Variants in ZNF462 observed in about 807,000 individuals in gnomAD.
The protein encoded by ZNF462 is zinc finger protein 462.
ZNF462 carries 10 observed loss-of-function variants against 201.9 expected under a neutral mutation model. That is an observed-to-expected ratio of 0.05 (90% CI 0.03 to 0.08). The LOEUF is 0.08. ZNF462 is among the 10% of genes least tolerant of loss of function. ZNF462 has a pLI of 1.00. For synonymous variants in ZNF462, 1,227 were observed against 1,193.3 expected (o/e 1.03, Z -0.58); for missense variants, 2,523 against 3,168.3 (o/e 0.80, Z 4.89).
chr9:106,901,993 G>A (rs1039664382), intron 1 of ZNF462, among the ~76,000 whole-genome samples: 1 of 152,012 alleles, frequency 6.6e-6, no homozygotes, highest in Non-Finnish European at 1.5e-5. Flanking sequence ...TCCTTGTCTT[G>A]TTCCAGTTCT....
At chr9:106,862,482 G>A (rs976653071), upstream of ZNF462, among the ~76,000 whole-genome samples, 1 of 151,896 alleles carries the variant, frequency 6.6e-6, no homozygotes, top group Non-Finnish European at 1.5e-5. This position sits in a 1 kb window ranked among gnomAD's most constrained non-coding sequence, Gnocchi z 4.2. Context: ...TCCTCGCACC[G>A]CCTTCTCCGC....
intron 7 of ZNF462, among the ~76,000 whole-genome samples, chr9:106,948,787 A>G (rs1325512888): frequency 6.6e-6 from 1 of 152,008 alleles, no homozygotes; most frequent in African/African-American, 2.4e-5. Context: ...AAGGATTCAT[A>G]TCGCAAAAAT....
In ZNF462 at chr9:106,930,860, T is replaced by C. The variant is rs866900259; in HGVS notation, c.6012+171T>C. 6.7e-6 allele frequency: 5 copies of C among 742,258 alleles called. No individual in the cohort carries two copies. Among genetic ancestry groups the C allele is most frequent in the Middle Eastern group, 8.0e-4 (2 of 2,486 alleles). 46.0% of individuals were successfully genotyped at this position (742,258 alleles called of 1,614,324 possible). A position where few individuals can be genotyped will look rare whatever the true frequency, so the allele number is the denominator to read the frequency against. On this transcript the variant is annotated intron_variant, in intron 4 of 12. Coordinates refer to ENST00000277225, the MANE Select transcript of ZNF462 (RefSeq NM_021224.6). This position sits in a 1 kb window ranked among gnomAD's most constrained non-coding sequence, Gnocchi z 5.8. ...TTCTTTGCAGGTTGGACCTTCCTCA[T>C]CTTTCTGTTCAGGGAAAGGTCGAGT... is the stretch of plus-strand genomic sequence containing the variant.
chr9:106,871,825 G>A (rs1827605111), intron 1 of ZNF462, among the ~76,000 whole-genome samples: 2 of 152,186 alleles, frequency 1.3e-5, no homozygotes. Context: ...ATTATTAATG[G>A]ACAGAAAATG....
chr9:106,968,283 T>G lies in ZNF462; in HGVS notation c.6428-3722T>G, dbSNP rs1461298267. The stretch of plus-strand genomic sequence containing the variant: ...ACCCAATTAGACCGCACACCATAGT[T>G]GTGAGAATTAATTGCTGGCTTCTGA... On this transcript the variant is annotated intron_variant, in intron 7 of 12. Coordinates refer to ENST00000277225, the MANE Select transcript of ZNF462 (RefSeq NM_021224.6). This position sits in a 1 kb window ranked among gnomAD's most constrained non-coding sequence, Gnocchi z 4.0. Among the ~76,000 whole-genome samples, 2 of 152,206 alleles carry G rather than the reference T, an allele frequency of 1.3e-5. No individual in the cohort carries two copies. The highest frequency in any genetic ancestry group is 2.4e-5 in the African/African-American group (1 of 41,462).
At position 106,876,446 on chromosome 9, in the gene ZNF462, C is replaced by A. The variant is rs1044165338; in HGVS notation, c.-31+13091C>A. On this transcript the variant is annotated intron_variant, in intron 1 of 12. Coordinates refer to ENST00000277225, the MANE Select transcript of ZNF462 (RefSeq NM_021224.6). The surrounding 1 kb of genome is among the most constrained non-coding windows in gnomAD (Gnocchi z 4.9). ...TGGTCTTAAAGTCAGCTTTTGGAATCCTGCTTGTTTAATTTTGTGCTGTGT... is the reference window on the plus strand; with the variant it reads ...TGGTCTTAAAGTCAGCTTTTGGAATACTGCTTGTTTAATTTTGTGCTGTGT... 3.9e-5 allele frequency among the ~76,000 whole-genome samples: 6 copies of A among 152,106 alleles called. No individual in the cohort carries two copies. Among genetic ancestry groups the A allele is most frequent in the Non-Finnish European group, 8.8e-5 (6 of 68,024 alleles).
At chr9:106,904,131 C>T (rs1022179900) in intron 1 of ZNF462, among the ~76,000 whole-genome samples, 2 of 151,862 alleles carry the variant, frequency 1.3e-5, no homozygotes, top group African/African-American at 2.4e-5. Flanking sequence ...TTGGTAATGG[C>T]GAATTCTCCC....
Position 106,924,081 on chromosome 9 carries a change from G to T in ZNF462, c.221-52G>T. The T allele has an allele frequency of 2.1e-6, 3 of 1,424,946 alleles. No homozygotes were observed. The highest frequency in any genetic ancestry group is 1.4e-5 in the South Asian group (1 of 74,004). The allele number at this position is 1,424,946 out of a possible 1,614,324, so 88.3% of individuals were successfully genotyped here. A position where few individuals can be genotyped will look rare whatever the true frequency, so the allele number is the denominator to read the frequency against. Reference sequence around the variant, plus strand: ...TGGAATGGTACTGATTTGCATGATTGGATATTTTAATTATCTTTTGCTTTG... The same window carrying T: ...TGGAATGGTACTGATTTGCATGATTTGATATTTTAATTATCTTTTGCTTTG... On this transcript the variant is annotated intron_variant, in intron 2 of 12. Transcript: ENST00000277225. The surrounding 1 kb of genome is among the most constrained non-coding windows in gnomAD (Gnocchi z 6.2).
At chr9:106,874,520 G>A (rs1462341546) in intron 1 of ZNF462, among the ~76,000 whole-genome samples, 4 of 152,174 alleles carry the variant, frequency 2.6e-5, no homozygotes, top group African/African-American at 9.7e-5. Context: ...TATGTTCTAA[G>A]GAGGTAAACG....
In ZNF462 at chr9:106,932,271, G is replaced by A. The variant is rs761306170; in HGVS notation, c.6013-175G>A. 4.1e-5 allele frequency: 64 copies of A among 1,550,884 alleles called. No homozygotes were observed. The highest frequency in any genetic ancestry group is 5.9e-5 in the Admixed American group (3 of 50,990). On this transcript the variant is annotated intron_variant, in intron 4 of 12. Transcript: ENST00000277225. The surrounding 1 kb of genome is among the most constrained non-coding windows in gnomAD (Gnocchi z 6.8). ...GTGTGTGGTTCTCTTAGCAGGAGGC[G>A]GATGACCCTGCCCACTTGTTCCTGG... is the stretch of plus-strand genomic sequence containing the variant.
chr9:106,949,161 T>C (rs1413660357), intron 7 of ZNF462, among the ~76,000 whole-genome samples: 1 of 152,240 alleles, frequency 6.6e-6, no homozygotes, highest in Non-Finnish European at 1.5e-5. Flanking sequence ...TGATGACCCT[T>C]GGCATTTATT....
Position 107,006,192 on chromosome 9 carries a change from A to G in ZNF462, c.7189+2766A>G, listed in dbSNP as rs1829530410. ...GGTGTGGTTCCATGGGTTGTTGTAA[A>G]GATTAAATGAGATAACACAGAAGAC... On this transcript the variant is annotated intron_variant, in intron 11 of 12. Coordinates refer to ENST00000277225, the MANE Select transcript of ZNF462 (RefSeq NM_021224.6). This position sits in a 1 kb window ranked among gnomAD's most constrained non-coding sequence, Gnocchi z 4.3. 6.6e-6 allele frequency among the ~76,000 whole-genome samples: 1 copy of G among 152,186 alleles called. No individual in the cohort carries two copies.
chr9:106,923,220 C>A lies in ZNF462; in HGVS notation c.-30-134C>A. On this transcript the variant is annotated intron_variant, in intron 1 of 12. Coordinates refer to ENST00000277225, the MANE Select transcript of ZNF462 (RefSeq NM_021224.6). This position sits in a 1 kb window ranked among gnomAD's most constrained non-coding sequence, Gnocchi z 5.6. ...TGATTGCCTCTCTTTAGCCAATGTTCCAACTGGCAAAGTCCAATAAGAGAA... is the reference window on the plus strand; with the variant it reads ...TGATTGCCTCTCTTTAGCCAATGTTACAACTGGCAAAGTCCAATAAGAGAA... 1.5e-6 allele frequency: 1 copy of A among 650,282 alleles called. No homozygotes were observed. The highest frequency in any genetic ancestry group is 2.7e-6 in the Non-Finnish European group (1 of 373,660). 40.3% of individuals were successfully genotyped at this position (650,282 alleles called of 1,614,324 possible). A position where few individuals can be genotyped will look rare whatever the true frequency, so the allele number is the denominator to read the frequency against.
rs981964829 is a variant in ZNF462 at position 107,009,225 on chromosome 9, G to A, written c.7190-320G>A. The A allele has an allele frequency of 6.2e-5, 19 of 306,190 alleles. No homozygotes were observed. The highest frequency in any genetic ancestry group is 1.7e-4 in the African/African-American group (8 of 47,332). 19.0% of individuals were successfully genotyped at this position (306,190 alleles called of 1,614,324 possible). ...CATCACACAAGGGAGAGAATAAATC[G>A]GAAAAAATAATGCTCAGATTCCTTT... is the stretch of plus-strand genomic sequence containing the variant. On this transcript the variant is annotated intron_variant, in intron 11 of 12. Coordinates refer to ENST00000277225, the MANE Select transcript of ZNF462 (RefSeq NM_021224.6). The surrounding 1 kb of genome is among the most constrained non-coding windows in gnomAD (Gnocchi z 6.1).
chr9:106,941,873 G>C (rs1830886991), intron 7 of ZNF462, among the ~76,000 whole-genome samples: 1 of 152,204 alleles, frequency 6.6e-6, no homozygotes, highest in Non-Finnish European at 1.5e-5. Flanking sequence ...TGGATTCCTA[G>C]AAACAGCTAA....
chr9:106,950,083 C>A lies in ZNF462; in HGVS notation c.6427+10976C>A, dbSNP rs1312894899. Among the ~76,000 whole-genome samples, 1 of 152,168 alleles carries A rather than the reference C, an allele frequency of 6.6e-6. No homozygotes were observed. The highest frequency in any genetic ancestry group is 2.4e-5 in the African/African-American group (1 of 41,448). On this transcript the variant is annotated intron_variant, in intron 7 of 12. Coordinates refer to ENST00000277225, the MANE Select transcript of ZNF462 (RefSeq NM_021224.6). This position sits in a 1 kb window ranked among gnomAD's most constrained non-coding sequence, Gnocchi z 4.1. ...CCCTCGTCCTCTGGTTTCCAACTTA[C>A]CAGACTCCAACCCTGAATAACCTTC...
intron 6 of ZNF462, among the ~76,000 whole-genome samples, chr9:106,936,194 A>G (rs771948479): frequency 5.1e-4 from 77 of 152,230 alleles, no homozygotes; most frequent in South Asian, 1.2e-3. Context: ...GAAGAAATAC[A>G]GTCAGTCATC....
chr9:106,888,197 G>T (rs985801282), intron 1 of ZNF462, among the ~76,000 whole-genome samples: 2 of 151,832 alleles, frequency 1.3e-5, no homozygotes, highest in South Asian at 2.1e-4. Context: ...GCCCGCCACC[G>T]CGCCCGGCTA....
rs531406331 is a variant in ZNF462 at position 106,993,556 on chromosome 9, T to C, written c.7056+9147T>C. Among the ~76,000 whole-genome samples, 8 of 152,164 alleles carry C rather than the reference T, an allele frequency of 5.3e-5. No homozygotes were observed. Among genetic ancestry groups the C allele is most frequent in the African/African-American group, 1.7e-4 (7 of 41,532 alleles). On this transcript the variant is annotated intron_variant, in intron 10 of 12. Coordinates refer to ENST00000277225, the MANE Select transcript of ZNF462 (RefSeq NM_021224.6). This position sits in a 1 kb window ranked among gnomAD's most constrained non-coding sequence, Gnocchi z 4.0. ...TTTATCCTGTGACTCCCTGTCTGTT[T>C]TTAATCTCAGTGGGTCCTCTAGAAG...
Sources: allele counts gnomAD v4.1 joint callset (sites outside exome capture counted in the v4.1 genomes callset), GRCh38; gene constraint gnomAD v4.1.1; non-coding constraint Gnocchi (gnomAD v3.1); transcripts MANE v1.5; gene names NCBI Gene and HGNC (gene_info 2026-07-23, HGNC 2026-07-21).